The following GSE1 variants were observed in gnomAD, a reference collection of about 807,000 sequenced individuals.
GSE1 encodes genetic suppressor element 1.
A neutral mutation model predicts 112.6 loss-of-function variants in GSE1; 32 were observed. The ratio of observed to expected loss-of-function variants is 0.28; its 90% CI spans 0.21 to 0.38. GSE1 has a LOEUF of 0.38. Among genes scored for constraint, GSE1 ranks in the 10% least tolerant of loss-of-function variants. The probability of loss-of-function intolerance (pLI) is 1.00; values close to 1 mark genes in which losing one functional copy is unlikely to be tolerated. For synonymous variants in GSE1, 1,115 were observed against 735.6 expected (o/e 1.52, Z -8.35); for missense variants, 2,348 against 1,699.2 (o/e 1.38, Z -6.71).
chr16:85,255,983 C>T (rs771085119), intron 1 of GSE1, among the ~76,000 whole-genome samples: 6 of 152,242 alleles, frequency 3.9e-5, no homozygotes, highest in East Asian at 1.9e-4. Context: ...CCACCACACC[C>T]GGCCAGTGCC....
chr16:85,279,961 A>C (rs917732692), intron 1 of GSE1, among the ~76,000 whole-genome samples: 2 of 152,182 alleles, frequency 1.3e-5, no homozygotes, highest in African/African-American at 4.8e-5. Flanking sequence ...TTTATCAGTG[A>C]AATTACTCAG....
At chr16:85,213,099 T>A (rs1567614046) in intron 1 of GSE1, among the ~76,000 whole-genome samples, 1 of 151,932 alleles carries the variant, frequency 6.6e-6, no homozygotes, top group Admixed American at 6.6e-5. Flanking sequence ...TGAAACCCCT[T>A]CTCTACTAAA....
chr16:85,185,198 A>C (rs962318153), intron 1 of GSE1: 1 of 152,154 alleles, frequency 6.6e-6, no homozygotes, highest in African/African-American at 2.4e-5. Context: ...TTTTATCTGA[A>C]TTATTCACAT....
chr16:85,539,669 G>T lies in GSE1; in HGVS notation c.2465-94245G>T, dbSNP rs17801962. The stretch of plus-strand genomic sequence containing the variant: ...GGTTTGTTTTTTCATTAGCGCCTGC[G>T]TTCACACAGAGACATGTCACGTTGA... On this transcript the variant is annotated intron_variant, in intron 2 of 2. Transcript: ENST00000637419. 5.2e-4 allele frequency among the ~76,000 whole-genome samples: 79 copies of T among 152,140 alleles called. 1 individual carries two copies. Among genetic ancestry groups the T allele is most frequent in the Non-Finnish European group, 1.5e-5 (1 of 67,990 alleles).
At chr16:85,404,956 G>GC (rs1362326789) in intron 2 of GSE1, among the ~76,000 whole-genome samples, 1 of 17,128 alleles carries the variant, frequency 5.8e-5, no homozygotes, top group Admixed American at 4.3e-4. Context: ...TTACTCTCAG[G>GC]CCCCCCGGAT....
chr16:85,434,859 A>G (rs1208889788), intron 2 of GSE1, among the ~76,000 whole-genome samples: 1 of 152,240 alleles, frequency 6.6e-6, no homozygotes, highest in Admixed American at 6.5e-5. Flanking sequence ...AAGACAGGCC[A>G]GGGGCTGGGC....
rs369956712 is a variant in GSE1 at position 85,649,274 on chromosome 16, C to T, written c.426+523C>T. ...GAGGCCCTGGGCATCAGGGCTCTAA[C>T]ACGGATTTGGGCGGGGGTGGCAGTC... On this transcript the variant is annotated intron_variant, in intron 3 of 15. Transcript: ENST00000253458. 5.9e-5 allele frequency among the ~76,000 whole-genome samples: 9 copies of T among 152,296 alleles called. No individual in the cohort carries two copies. The East Asian group carries it at 1.2e-3, about 20-fold the overall frequency.
At chr16:85,556,920 A>AGG (rs1567586009) in intron 1 of GSE1, among the ~76,000 whole-genome samples, 1 of 151,816 alleles carries the variant, frequency 6.6e-6, no homozygotes, top group Non-Finnish European at 1.5e-5. Context: ...GGGGAAGCTC[A>AGG]GGAGGGTATT....
intron 2 of GSE1, among the ~76,000 whole-genome samples, chr16:85,416,281 C>A (rs1202516182): frequency 2.0e-5 from 3 of 152,204 alleles, no homozygotes; most frequent in Non-Finnish European, 4.4e-5. Context: ...GGCTCGCCAG[C>A]CTGCTGGAGG....
intron 2 of GSE1, among the ~76,000 whole-genome samples, chr16:85,413,323 C>G (rs763902055): frequency 7.9e-5 from 12 of 152,134 alleles, no homozygotes; most frequent in African/African-American, 2.9e-4. Flanking sequence ...GGCGCTTTAC[C>G]TAGGAGGAAG....
Position 85,200,251 on chromosome 16 carries a change from G to A in GSE1, c.2283+28444G>A, listed in dbSNP as rs115654085. 4.2e-3 allele frequency among the ~76,000 whole-genome samples: 641 copies of A among 152,128 alleles called. 4 individuals carry two copies. Among genetic ancestry groups the A allele is most frequent in the African/African-American group, 0.015 (618 of 41,488 alleles). The stretch of plus-strand genomic sequence containing the variant: ...TCTACCAGGGGTCTTGAGTTTCCTC[G>A]GGACAGGGACCTCATAGAACCCTTG... On this transcript the variant is annotated intron_variant, in intron 1 of 2. Transcript: ENST00000637419.
At chr16:85,527,805 T>C (rs2052411927) in intron 2 of GSE1, among the ~76,000 whole-genome samples, 1 of 152,036 alleles carries the variant, frequency 6.6e-6, no homozygotes, top group South Asian at 2.1e-4. Context: ...TATACAGGAG[T>C]GACCGTCGAA....
chr16:85,254,940 A>G (rs1420504194), intron 1 of GSE1, among the ~76,000 whole-genome samples: 3 of 152,222 alleles, frequency 2.0e-5, no homozygotes, highest in Admixed American at 2.0e-4. Context: ...CAGTGCGCTC[A>G]TAAACACTGT....
Position 85,254,401 on chromosome 16 carries a change from T to C in GSE1, c.2283+82594T>C, listed in dbSNP as rs578121838. 6.6e-5 allele frequency among the ~76,000 whole-genome samples: 10 copies of C among 152,294 alleles called. No individual in the cohort carries two copies. The East Asian group carries it at 1.7e-3, about 26-fold the overall frequency. On this transcript the variant is annotated intron_variant, in intron 1 of 2. Coordinates refer to the GSE1 transcript ENST00000637419. ...TGTTGACCCTGAAGAAGTTGTCCCC[T>C]AGCCTCTCCCACAGCGCCTCGCACA...
rs375566676 is a variant in GSE1 at position 85,571,894 on chromosome 16, G to T, written c.37+15531G>T. ...ATGGGGAAGTGAGTTGGGCGTGGGGGCACAAACCACCAAGTGGCAGTTTCA... is the reference window on the plus strand; with the variant it reads ...ATGGGGAAGTGAGTTGGGCGTGGGGTCACAAACCACCAAGTGGCAGTTTCA... On this transcript the variant is annotated intron_variant, in intron 1 of 2. Transcript: ENST00000635906. Among the ~76,000 whole-genome samples the T allele has an allele frequency of 5.3e-5, 8 of 152,250 alleles. No homozygotes were observed. The East Asian group carries it at 1.4e-3, about 26-fold the overall frequency.
intron 2 of GSE1, among the ~76,000 whole-genome samples, chr16:85,641,442 C>T (rs988732243): frequency 1.0e-4 from 15 of 143,324 alleles, no homozygotes; most frequent in Non-Finnish European, 2.1e-4. Context: ...CGCCCTTTTG[C>T]AGCTGTGAGG....
intron 1 of GSE1, among the ~76,000 whole-genome samples, chr16:85,246,233 A>ACACG (rs1286067874): frequency 3.7e-5 from 5 of 134,482 alleles, no homozygotes; most frequent in East Asian, 4.4e-4. Flanking sequence ...ACACACACAC[A>ACACG]CACACGCACA....
intron 5 of GSE1, 22 bp downstream of exon 5, chr16:85,655,013 C>T (rs766785650): frequency 5.5e-6 from 8 of 1,463,296 alleles, no homozygotes; most frequent in Non-Finnish European, 7.5e-6. Context: ...CCCACGCGCC[C>T]TCTCGTCTAG....
intron 2 of GSE1, among the ~76,000 whole-genome samples, chr16:85,535,605 G>C (rs2044298415): frequency 6.6e-6 from 1 of 152,214 alleles, no homozygotes; most frequent in Non-Finnish European, 1.5e-5. Context: ...CTGATAAGAG[G>C]AAGGCTGCTT....
Sources: allele counts gnomAD v4.1 joint callset (sites outside exome capture counted in the v4.1 genomes callset), GRCh38; gene constraint gnomAD v4.1.1; transcripts MANE v1.5; gene names NCBI Gene and HGNC (gene_info 2026-07-23, HGNC 2026-07-21).